The following OPCML variants were observed in gnomAD, a reference collection of about 807,000 sequenced individuals.
OPCML encodes opioid binding protein/cell adhesion molecule like.
OPCML carries 13 observed loss-of-function variants against 37.8 expected under a neutral mutation model. The observed-to-expected ratio is 0.34, with a 90% CI of 0.22 to 0.55. The LOEUF is 0.55. Among genes scored for constraint, OPCML ranks in the 20% least tolerant of loss-of-function variants. The pLI is 0.91. For missense variants in OPCML, 341 were observed against 435.6 expected (o/e 0.78, Z 1.93); for synonymous variants, 176 against 168.8 (o/e 1.04, Z -0.33).
intron 1 of OPCML, among the ~76,000 whole-genome samples, chr11:133,358,675 C>T (rs936345104): frequency 6.6e-6 from 1 of 152,120 alleles, no homozygotes; most frequent in Non-Finnish European, 1.5e-5. Flanking sequence ...ACAAATTGGG[C>T]AGTGCTAGGG....
chr11:133,284,085 G>A (rs920940250), intron 1 of OPCML, among the ~76,000 whole-genome samples: 7 of 152,178 alleles, frequency 4.6e-5, no homozygotes, highest in Admixed American at 3.3e-4. Flanking sequence ...ATATTGAGCC[G>A]TGTGGCCTTT....
intron 4 of OPCML, among the ~76,000 whole-genome samples, chr11:132,517,491 A>T (rs2096282639): frequency 6.6e-6 from 1 of 152,172 alleles, no homozygotes; most frequent in Non-Finnish European, 1.5e-5. Flanking sequence ...TGGCTGCAGT[A>T]TGTTAGTATG....
At chr11:133,143,833 A>G (rs1032808376) in intron 1 of OPCML, among the ~76,000 whole-genome samples, 1 of 152,242 alleles carries the variant, frequency 6.6e-6, no homozygotes, top group Non-Finnish European at 1.5e-5. Flanking sequence ...ACGGAAATAC[A>G]CATTCAATTG....
chr11:133,223,127 C>T (rs149390657), intron 1 of OPCML, among the ~76,000 whole-genome samples: 1 of 152,306 alleles, frequency 6.6e-6, no homozygotes, highest in African/African-American at 2.4e-5. Flanking sequence ...AAACCACAGT[C>T]CTTGACCCCA....
chr11:132,524,887 G>T (rs1216798681), intron 4 of OPCML, among the ~76,000 whole-genome samples: 1 of 152,102 alleles, frequency 6.6e-6, no homozygotes, highest in African/African-American at 2.4e-5. Context: ...TTGTTTTTGT[G>T]AAACAAATAT....
chr11:132,853,071 C>T (rs1393991102), intron 2 of OPCML, among the ~76,000 whole-genome samples: 5 of 152,130 alleles, frequency 3.3e-5, no homozygotes, highest in Non-Finnish European at 5.9e-5. Context: ...TGAAACACTG[C>T]TTTTCCTTGA....
intron 1 of OPCML, among the ~76,000 whole-genome samples, chr11:133,516,006 C>T (rs887593239): frequency 2.0e-5 from 3 of 152,022 alleles, no homozygotes; most frequent in Non-Finnish European, 4.4e-5. Context: ...CTCAACACAA[C>T]GCCAGCCTCA....
chr11:132,781,856 C>T (rs1466754244), intron 2 of OPCML, among the ~76,000 whole-genome samples: 1 of 150,350 alleles, frequency 6.7e-6, no homozygotes, highest in Non-Finnish European at 1.5e-5. Context: ...AGAGACCAGA[C>T]ATACAACTAA....
intron 1 of OPCML, among the ~76,000 whole-genome samples, chr11:133,515,516 G>A (rs1475815114): frequency 6.6e-6 from 1 of 152,176 alleles, no homozygotes; most frequent in East Asian, 1.9e-4. Flanking sequence ...CCATGCCATA[G>A]GGATAATAGA....
chr11:132,416,312 C>T lies in OPCML; in HGVS notation c.*3881G>A, dbSNP rs777837213. ...GATGCCCCACCACCAGATCTTACCT[C>T]ATCTTAAGCCATTCCTCCCCTCCTA... On this transcript the variant is annotated 3_prime_UTR_variant, in exon 8 of 8. Transcript: ENST00000524381. 2 of 152,144 alleles carry T rather than the reference C, an allele frequency of 1.3e-5. No homozygotes were observed. Among genetic ancestry groups the T allele is most frequent in the South Asian group, 2.1e-4 (1 of 4,828 alleles). 9.4% of individuals were successfully genotyped at this position (152,144 alleles called of 1,614,324 possible).
intron 4 of OPCML, among the ~76,000 whole-genome samples, chr11:132,471,176 A>G: frequency 6.6e-6 from 1 of 152,176 alleles, no homozygotes; most frequent in East Asian, 1.9e-4. Context: ...AAGTTGCTTG[A>G]GAAAAGGAAG....
intron 2 of OPCML, among the ~76,000 whole-genome samples, chr11:132,697,846 G>A (rs1821413908): frequency 6.6e-6 from 1 of 151,970 alleles, no homozygotes; most frequent in Non-Finnish European, 1.5e-5. Context: ...GCTTACTGCA[G>A]CCTTGTCCTC....
chr11:133,162,120 T>A (rs1950151217), intron 1 of OPCML, among the ~76,000 whole-genome samples: 1 of 151,214 alleles, frequency 6.6e-6, no homozygotes, highest in African/African-American at 2.4e-5. Flanking sequence ...CAGTTCACTA[T>A]CAACCATGCC....
intron 1 of OPCML, among the ~76,000 whole-genome samples, chr11:133,473,040 G>A (rs901895852): frequency 3.9e-5 from 6 of 152,108 alleles, no homozygotes; most frequent in Non-Finnish European, 7.4e-5. Flanking sequence ...TTCTGTCCCT[G>A]GGACTGTCTC....
intron 1 of OPCML, among the ~76,000 whole-genome samples, chr11:133,458,231 TGTGTGTATATATACACATATATATACAC>T (rs1946727792): frequency 9.0e-6 from 1 of 110,756 alleles, no homozygotes. Context: ...TATATACACG[TGTGTGTATATATACACATATATATACAC>T]GTGTGTGTAT....
intron 1 of OPCML, among the ~76,000 whole-genome samples, chr11:133,012,167 T>C (rs556262731): frequency 7.4e-4 from 113 of 152,244 alleles, no homozygotes; most frequent in South Asian, 2.7e-3. Flanking sequence ...TATTGACATT[T>C]AGGGGTTTGA....
intron 1 of OPCML, among the ~76,000 whole-genome samples, chr11:133,339,109 A>G (rs770104925): frequency 3.1e-4 from 47 of 152,216 alleles, no homozygotes; most frequent in Non-Finnish European, 5.4e-4. Context: ...AGCTATTAAT[A>G]CAACTCTACT....
intron 1 of OPCML, among the ~76,000 whole-genome samples, chr11:133,372,129 T>C (rs1944688554): frequency 6.6e-6 from 1 of 152,162 alleles, no homozygotes; most frequent in African/African-American, 2.4e-5. Context: ...AGAGTGACTA[T>C]GGTTAGCAAC....
At chr11:132,734,074 G>A (rs1057439446) in intron 2 of OPCML, among the ~76,000 whole-genome samples, 1 of 152,090 alleles carries the variant, frequency 6.6e-6, no homozygotes, top group Admixed American at 6.5e-5. Flanking sequence ...GTGTTTTTAT[G>A]AAGACTAGAT....
Sources: gnomAD v4.1 joint callset for allele counts (sites outside exome capture counted in the v4.1 genomes callset) on GRCh38, gnomAD v4.1.1 for gene constraint, MANE v1.5 for transcripts, NCBI Gene and HGNC (gene_info 2026-07-23, HGNC 2026-07-21) for gene names.